The following PCSK2 variants were observed in gnomAD, a reference collection of about 807,000 sequenced individuals.
PCSK2 encodes the protein proprotein convertase subtilisin/kexin type 2, also known as neuroendocrine convertase 2.
In PCSK2, 14 loss-of-function variants were observed where a neutral mutation model predicts 69.7. The observed-to-expected ratio is 0.20, with a 90% CI of 0.13 to 0.31. PCSK2 has a LOEUF of 0.31. Among genes scored for constraint, PCSK2 ranks in the 10% least tolerant of loss-of-function variants. PCSK2 has a pLI of 1.00. For synonymous variants in PCSK2, 307 were observed against 320.7 expected (o/e 0.96, Z 0.46); for missense variants, 544 against 842.5 (o/e 0.65, Z 4.39).
At chr20:17,431,222 A>C (rs1035102693) in intron 7 of PCSK2, among the ~76,000 whole-genome samples, 2 of 152,160 alleles carry the variant, frequency 1.3e-5, no homozygotes, top group Non-Finnish European at 2.9e-5. Flanking sequence ...TAATTCTCTG[A>C]GGAAGTGTGG....
In PCSK2 at chr20:17,453,688, C is replaced by T; in HGVS notation, c.886-54C>T. On this transcript the variant is annotated intron_variant, in intron 8 of 11. Coordinates refer to ENST00000262545, the MANE Select transcript of PCSK2 (RefSeq NM_002594.5). This position sits in a 1 kb window ranked among gnomAD's most constrained non-coding sequence, Gnocchi z 4.0. ...ACCCCTGGGCTGGAGACCTCCCCTGCCCCCTCGCAGCCCAGGCTGTGGGTA... is the reference window on the plus strand; with the variant it reads ...ACCCCTGGGCTGGAGACCTCCCCTGTCCCCTCGCAGCCCAGGCTGTGGGTA... The T allele has an allele frequency of 1.3e-6, 2 of 1,598,494 alleles. No homozygotes were observed. Among genetic ancestry groups the T allele is most frequent in the South Asian group, 1.1e-5 (1 of 90,628 alleles).
At chr20:17,370,907 C>G (rs1249368810) in intron 5 of PCSK2, among the ~76,000 whole-genome samples, 1 of 152,184 alleles carries the variant, frequency 6.6e-6, no homozygotes. Flanking sequence ...TCACAGAGAG[C>G]AAGTGTGGCA....
intron 1 of PCSK2, among the ~76,000 whole-genome samples, chr20:17,257,633 G>T (rs1987228687): frequency 6.6e-6 from 1 of 152,102 alleles, no homozygotes. Context: ...AAGGCTTTTT[G>T]TTTTTACCCT....
intron 1 of PCSK2, among the ~76,000 whole-genome samples, chr20:17,243,107 G>A (rs1427735933): frequency 1.3e-4 from 20 of 152,044 alleles, no homozygotes; most frequent in Admixed American, 9.2e-4. Context: ...AGCCATGCCC[G>A]TCCTGAAAAA....
At position 17,353,463 on chromosome 20, in the gene PCSK2, C is replaced by CAGAAAAAAAAAAAAAAA. The variant is rs372975691; in HGVS notation, c.283-4863_283-4862insGAAAAAAAAAAAAAAAA. On this transcript the variant is annotated intron_variant, in intron 2 of 11. Coordinates refer to ENST00000262545, the MANE Select transcript of PCSK2 (RefSeq NM_002594.5). Reference sequence around the variant, plus strand: ...CTGGTGACAGAGCAAGACTCCATCACACAAAAAAAAAAAAAAAGTCAAAAA... The same window carrying CAGAAAAAAAAAAAAAAA: ...CTGGTGACAGAGCAAGACTCCATCACAGAAAAAAAAAAAAAAAACAAAAAAAAAAAAAAAGTCAAAAA... Among the ~76,000 whole-genome samples the CAGAAAAAAAAAAAAAAA allele has an allele frequency of 1.6e-5, 2 of 126,464 alleles. 1 individual carries two copies. The highest frequency in any genetic ancestry group is 3.4e-5 in the Non-Finnish European group (2 of 59,402). 83.0% of individuals were successfully genotyped at this position (126,464 alleles called of 152,430 possible).
intron 5 of PCSK2, among the ~76,000 whole-genome samples, chr20:17,404,775 A>G (rs2031716984): frequency 1.3e-5 from 2 of 152,236 alleles, no homozygotes; most frequent in African/African-American, 4.8e-5. Context: ...TGGGAGCCCA[A>G]GAGGCCTCGG....
At chr20:17,230,464 A>G (rs995141443) in intron 1 of PCSK2, among the ~76,000 whole-genome samples, 2 of 152,236 alleles carry the variant, frequency 1.3e-5, no homozygotes, top group African/African-American at 4.8e-5. Flanking sequence ...ACTCAGACTT[A>G]AAACCAAATT....
At chr20:17,430,383 T>C (rs1270399500) in intron 7 of PCSK2, among the ~76,000 whole-genome samples, 1 of 152,252 alleles carries the variant, frequency 6.6e-6, no homozygotes, top group Non-Finnish European at 1.5e-5. Context: ...TTTTTTCTTT[T>C]CTTTTTTGTT....
intron 2 of PCSK2, among the ~76,000 whole-genome samples, chr20:17,278,732 T>C (rs1988190584): frequency 6.6e-6 from 1 of 151,868 alleles, no homozygotes; most frequent in Non-Finnish European, 1.5e-5. Flanking sequence ...ATGATATAAA[T>C]AAATAGATAA....
chr20:17,447,776 A>G (rs896060830), intron 8 of PCSK2, among the ~76,000 whole-genome samples: 1 of 152,230 alleles, frequency 6.6e-6, no homozygotes, highest in African/African-American at 2.4e-5. Flanking sequence ...CGGAATGGCT[A>G]TTTCATAAAA....
intron 4 of PCSK2, among the ~76,000 whole-genome samples, chr20:17,368,634 T>G (rs987134097): frequency 3.3e-5 from 5 of 152,152 alleles, no homozygotes; most frequent in African/African-American, 1.2e-4. Context: ...ATTTTACCCT[T>G]GGAACGACTA....
intron 2 of PCSK2, among the ~76,000 whole-genome samples, chr20:17,275,255 A>G (rs959029522): frequency 6.6e-6 from 1 of 152,090 alleles, no homozygotes; most frequent in Non-Finnish European, 1.5e-5. Flanking sequence ...GGCATGAAAC[A>G]GAAGCAATGC....
At chr20:17,253,739 G>A (rs1368770264) in intron 1 of PCSK2, among the ~76,000 whole-genome samples, 1 of 152,102 alleles carries the variant, frequency 6.6e-6, no homozygotes, top group Non-Finnish European at 1.5e-5. Context: ...GGAATTGCTG[G>A]GTCATATGAC....
chr20:17,432,624 A>G (rs1240293383), intron 7 of PCSK2, among the ~76,000 whole-genome samples: 1 of 152,250 alleles, frequency 6.6e-6, no homozygotes, highest in Non-Finnish European at 1.5e-5. Flanking sequence ...AGATTGAGTC[A>G]AAAATTAAAA....
chr20:17,418,067 G>A (rs1283006740), intron 6 of PCSK2, among the ~76,000 whole-genome samples: 2 of 152,212 alleles, frequency 1.3e-5, no homozygotes, highest in African/African-American at 4.8e-5. Context: ...AGATGCCCAA[G>A]TTACTACAAT....
intron 8 of PCSK2, among the ~76,000 whole-genome samples, chr20:17,449,623 T>TG (rs148477107): frequency 0.021 from 3,070 of 148,354 alleles, 112 homozygotes; most frequent in African/African-American, 0.073. Context: ...CTCCGCCTCC[T>TG]GGGTTCAAGC....
At chr20:17,286,810 G>A (rs745831290) in intron 2 of PCSK2, among the ~76,000 whole-genome samples, 1 of 152,204 alleles carries the variant, frequency 6.6e-6, no homozygotes, top group Non-Finnish European at 1.5e-5. Flanking sequence ...GAAGGGGGTT[G>A]TGCTCACAGT....
intron 1 of PCSK2, among the ~76,000 whole-genome samples, chr20:17,247,251 A>G (rs1222297421): frequency 6.6e-6 from 1 of 152,150 alleles, no homozygotes. Context: ...TCTGCCTATA[A>G]GAGATTGCAT....
chr20:17,279,621 C>A (rs2123042371), intron 2 of PCSK2, among the ~76,000 whole-genome samples: 1 of 152,048 alleles, frequency 6.6e-6, no homozygotes, highest in South Asian at 2.1e-4. Flanking sequence ...GCCTGACCAA[C>A]ATGGAGAAAC....
Sources: allele counts gnomAD v4.1 joint callset (sites outside exome capture counted in the v4.1 genomes callset), GRCh38; gene constraint gnomAD v4.1.1; non-coding constraint Gnocchi (gnomAD v3.1); transcripts MANE v1.5; gene names NCBI Gene and HGNC (gene_info 2026-07-23, HGNC 2026-07-21).